Variants in HERC5 observed in about 807,000 individuals in gnomAD.
HERC5 encodes the protein E3 ISG15--protein ligase HERC5.
Under a neutral mutation model 119.6 loss-of-function variants are expected in HERC5, and 99 were observed. The ratio of observed to expected loss-of-function variants is 0.83; its 90% confidence interval spans 0.70 to 0.98. HERC5 has a LOEUF of 0.98. Among genes scored for constraint, HERC5 ranks in the 50% least tolerant of loss-of-function variants. HERC5 has a pLI of 0.00. For missense variants in HERC5, 1,267 were observed against 1,241.3 expected, an observed-to-expected ratio of 1.02 and a Z score of -0.31; for synonymous variants, 478 against 445.9, an observed-to-expected ratio of 1.07 and a Z score of -0.91.
chr4:88,475,690 G>A (rs1741039636), intron 11 of HERC5, 151 bp from the exon 12 acceptor site: 2 of 664,898 alleles, frequency 3.0e-6, no homozygotes, highest in Non-Finnish European at 5.2e-6. Flanking sequence ...GGTGAGAAGG[G>A]ATGTAAACAG....
Position 88,505,981 on chromosome 4 carries a change from C to G in HERC5, c.*103C>G. On this transcript the variant is annotated 3_prime_UTR_variant, in exon 23 of 23. Coordinates refer to ENST00000264350, the MANE Select transcript of HERC5 (RefSeq NM_016323.4). ...TGTTTTGTTTTAGGCTTTTAGCAGCCTGAAGCCATGGTTTTTCATTTCTGT... is the reference window on the plus strand; with the variant it reads ...TGTTTTGTTTTAGGCTTTTAGCAGCGTGAAGCCATGGTTTTTCATTTCTGT... The G allele has an allele frequency of 1.1e-6, 1 of 874,794 alleles. No individual in the cohort carries two copies. The highest frequency in any genetic ancestry group is 1.8e-6 in the Non-Finnish European group (1 of 567,210). The allele number at this position is 874,794 out of a possible 1,614,324, so 54.2% of individuals were successfully genotyped here.
In HERC5 at chr4:88,504,426, A is replaced by C. The variant is rs764120713; in HGVS notation, c.2766+11A>C. On this transcript the variant is annotated intron_variant, in intron 21 of 22. Transcript: ENST00000264350. ...AAAACATTTGAAAAGGTACATCATC[A>C]AGTCTAAGTTGATTAAATTCAGTTT... 1 of 1,573,826 alleles carries C rather than the reference A, an allele frequency of 6.4e-7. No individual in the cohort carries two copies. The highest frequency in any genetic ancestry group is 1.2e-5 in the South Asian group (1 of 85,510).
chr4:88,487,709 A>G (rs1206846740), intron 15 of HERC5, among the ~76,000 whole-genome samples: 3 of 152,192 alleles, frequency 2.0e-5, no homozygotes, highest in Non-Finnish European at 4.4e-5. Context: ...TGAGGTGGTT[A>G]TGTTTGTAGA....
At chr4:88,498,985 T>A (rs981972941) in intron 18 of HERC5, among the ~76,000 whole-genome samples, 1 of 152,220 alleles carries the variant, frequency 6.6e-6, no homozygotes, top group Non-Finnish European at 1.5e-5. Flanking sequence ...TAAAACATGG[T>A]CTGTTACTTC....
chr4:88,495,767 A>G (rs939924145), intron 18 of HERC5, among the ~76,000 whole-genome samples: 3 of 152,170 alleles, frequency 2.0e-5, no homozygotes, highest in Admixed American at 6.5e-5. Flanking sequence ...AAAAAATCAA[A>G]AGCACAAGAT....
At chr4:88,483,100 A>G (rs1560608128) in intron 13 of HERC5, among the ~76,000 whole-genome samples, 2 of 152,120 alleles carry the variant, frequency 1.3e-5, no homozygotes, top group Non-Finnish European at 2.9e-5. Flanking sequence ...GTTAAATAGA[A>G]GTGGGGGAAC....
chr4:88,465,133 T>A (rs1419987172), intron 6 of HERC5, among the ~76,000 whole-genome samples: 1 of 152,192 alleles, frequency 6.6e-6, no homozygotes, highest in Non-Finnish European at 1.5e-5. Context: ...CAGGCTGGTC[T>A]TGAACTCCTG....
intron 13 of HERC5, among the ~76,000 whole-genome samples, chr4:88,480,799 T>C (rs1741254659): frequency 6.6e-6 from 1 of 152,226 alleles, no homozygotes; most frequent in Admixed American, 6.5e-5. Context: ...AATTGCAATA[T>C]TTGTTTCCCC....
Position 88,458,111 on chromosome 4 carries a change from T to A in HERC5, c.265+577T>A, listed in dbSNP as rs554879462. ...ACGTTTGCGTTCCTTTTTCGGTAAA[T>A]TGCCTGTTTATCTTTGCCTGGCTTT... On this transcript the variant is annotated intron_variant, in intron 1 of 22. Coordinates refer to ENST00000264350, the MANE Select transcript of HERC5 (RefSeq NM_016323.4). 6 of 981,316 alleles carry A rather than the reference T, an allele frequency of 6.1e-6. No individual in the cohort carries two copies. In the South Asian group the frequency reaches 2.4e-4, roughly 39 times the overall value. The allele number at this position is 981,316 out of a possible 1,614,324, so 60.8% of individuals were successfully genotyped here.
chr4:88,481,288 A>G (rs1222528358), intron 13 of HERC5, among the ~76,000 whole-genome samples: 1 of 152,194 alleles, frequency 6.6e-6, no homozygotes, highest in African/African-American at 2.4e-5. Context: ...CCTGAGCTCA[A>G]ATGATTGACC....
rs771785396 is a variant in HERC5, at chr4:88,475,853, C to T, written c.1405C>T (p.Leu469Phe). Residue 469 changes from leucine to phenylalanine, a missense_variant, in exon 12 of 23, where the codon CTC (leucine) becomes TTC (phenylalanine). Leu to Phe is a conservative substitution (Grantham distance 22). This residue lies in a region of HERC5 where 777 missense variants were observed against 758.0 expected (regional missense o/e 1.03). Coordinates refer to ENST00000264350, the MANE Select transcript of HERC5 (RefSeq NM_016323.4). ...TTTCTGACCACAGATAACCACCTGC[C>T]TCAAAGATAATCTGCTCAAAAGACT... ...DWITNMITTC[L>F]KDNLLKRLPF... The T allele has an allele frequency of 6.2e-7, 1 of 1,613,840 alleles. No individual in the cohort carries two copies. The highest frequency in any genetic ancestry group is 1.3e-5 in the African/African-American group (1 of 74,910).
At chr4:88,497,326 T>G (rs1741827690) in intron 18 of HERC5, among the ~76,000 whole-genome samples, 1 of 152,208 alleles carries the variant, frequency 6.6e-6, no homozygotes, top group South Asian at 2.1e-4. Flanking sequence ...GCCTTGGTCT[T>G]CTTAGAGATT....
chr4:88,469,231 G>A lies in HERC5; in HGVS notation c.1209G>A (p.Val403=). Residue 403 remains valine (V), a synonymous_variant, in exon 9 of 23, where the codon GTG becomes GTA. Transcript: ENST00000264350. Reference sequence around the variant, plus strand: ...CTGTAAAGAGATGGATTGCTGATGTGGAGACTAAACGGTGGCAGAGCACAA... The same window carrying A: ...CTGTAAAGAGATGGATTGCTGATGTAGAGACTAAACGGTGGCAGAGCACAA... The part of the protein sequence containing the change: ...EGTVKRWIAD[V]ETKRWQSTKR... The A allele has an allele frequency of 6.2e-7, 1 of 1,613,278 alleles. No homozygotes were observed.
chr4:88,476,819 G>C (rs570262546), intron 12 of HERC5, among the ~76,000 whole-genome samples: 9 of 151,966 alleles, frequency 5.9e-5, no homozygotes, highest in African/African-American at 2.2e-4. Flanking sequence ...TACTCGGGAG[G>C]CTGAGGCAGG....
chr4:88,464,425 T>G (rs1740572995), intron 6 of HERC5, among the ~76,000 whole-genome samples: 1 of 152,172 alleles, frequency 6.6e-6, no homozygotes, highest in Non-Finnish European at 1.5e-5. Flanking sequence ...CTGATCACAG[T>G]AAAGTATAAG....
Position 88,479,615 on chromosome 4 carries a change from A to G in HERC5, c.1737+108A>G, listed in dbSNP as rs1413694561. 5.1e-6 allele frequency: 4 copies of G among 784,222 alleles called. No individual in the cohort carries two copies. In the East Asian group the frequency reaches 9.1e-5, roughly 18 times the overall value. 48.6% of individuals were successfully genotyped at this position (784,222 alleles called of 1,614,324 possible). A position where few individuals can be genotyped will look rare whatever the true frequency, so the allele number is the denominator to read the frequency against. On this transcript the variant is annotated intron_variant, in intron 13 of 22. Coordinates refer to ENST00000264350, the MANE Select transcript of HERC5 (RefSeq NM_016323.4). The stretch of plus-strand genomic sequence containing the variant: ...GACTCGTGTGAGACATACGAAGTTT[A>G]TATTGCTATTTTTTTAATTTTTTTT...
chr4:88,457,648 C>A, intron 1 of HERC5, 114 bp downstream of exon 1: 1 of 1,091,146 alleles, frequency 9.2e-7, no homozygotes, highest in Non-Finnish European at 1.2e-6. Context: ...CAGAAGGCCG[C>A]AGACGCGCGC....
Position 88,486,923 on chromosome 4 carries a change from A to C in HERC5, c.1852-146A>C, listed in dbSNP as rs1202080037. 3 of 536,464 alleles carry C rather than the reference A, an allele frequency of 5.6e-6. No individual in the cohort carries two copies. In the Admixed American group the frequency reaches 1.0e-4, roughly 19 times the overall value. 33.2% of individuals were successfully genotyped at this position (536,464 alleles called of 1,614,324 possible). Reference sequence around the variant, plus strand: ...TTGATACATATAAAACACATTTTCTACTACTGGTACTATGGACCAGTAATT... The same window carrying C: ...TTGATACATATAAAACACATTTTCTCCTACTGGTACTATGGACCAGTAATT... On this transcript the variant is annotated intron_variant, in intron 14 of 22. Transcript: ENST00000264350.
At chr4:88,496,024 T>G (rs1741786927) in intron 18 of HERC5, among the ~76,000 whole-genome samples, 1 of 152,212 alleles carries the variant, frequency 6.6e-6, no homozygotes, top group South Asian at 2.1e-4. Flanking sequence ...AATTAAATAT[T>G]TTAAACACAG....
Sources: gnomAD v4.1 joint callset for allele counts (sites outside exome capture counted in the v4.1 genomes callset) on GRCh38, gnomAD v4.1.1 for gene constraint, gnomAD v4.1.1 regional missense constraint, MANE v1.5 for transcripts, NCBI Gene and HGNC (gene_info 2026-07-23, HGNC 2026-07-21) for gene names.